The following CCAR1 variants were observed in gnomAD, a reference collection of about 807,000 sequenced individuals.
The protein encoded by CCAR1 is cell division cycle and apoptosis regulator protein 1.
CCAR1 carries 78 observed loss-of-function variants against 163.8 expected under a neutral mutation model. The observed-to-expected ratio is 0.48, with a 90% CI of 0.40 to 0.57. The LOEUF (loss-of-function observed/expected upper bound fraction) is 0.57, where lower values mean the gene tolerates loss of function less well. Ranked by LOEUF, CCAR1 falls within the 20% of genes least tolerant of loss-of-function variation. The probability of loss-of-function intolerance (pLI) is 0.00; values close to 1 mark genes in which losing one functional copy is unlikely to be tolerated. For synonymous variants in CCAR1, 443 were observed against 460.7 expected, an observed-to-expected ratio of 0.96 and a Z score of 0.49; for missense variants, 1,019 against 1,365.2, an observed-to-expected ratio of 0.75 and a Z score of 4.00.
chr10:68,780,603 T>C (rs1212308823), intron 19 of CCAR1, among the ~76,000 whole-genome samples: 1 of 152,242 alleles, frequency 6.6e-6, no homozygotes, highest in Non-Finnish European at 1.5e-5. Context: ...TGCACTGCAC[T>C]TTATTGTGCG....
At chr10:68,765,285 ACT>A (rs1008015441) in intron 16 of CCAR1, among the ~76,000 whole-genome samples, 20 of 151,446 alleles carry the variant, frequency 1.3e-4, no homozygotes, top group African/African-American at 4.4e-4. Context: ...TTCTCCACTC[ACT>A]CTCTTGTAAG....
At chr10:68,775,695 T>C (rs1416744916) in intron 19 of CCAR1, among the ~76,000 whole-genome samples, 5 of 121,006 alleles carry the variant, frequency 4.1e-5, no homozygotes, top group African/African-American at 9.9e-5. Context: ...TTCTTTTTTT[T>C]TTTTTTTTTT....
At chr10:68,763,909 G>T (rs1307212829) in intron 16 of CCAR1, among the ~76,000 whole-genome samples, 1 of 152,122 alleles carries the variant, frequency 6.6e-6, no homozygotes, top group Non-Finnish European at 1.5e-5. Flanking sequence ...CCTTGTCCTA[G>T]TTCAGGAATC....
intron 5 of CCAR1, 94 bp from the exon 6 acceptor site, chr10:68,742,281 AT>A (rs2056193001): frequency 2.2e-6 from 2 of 895,452 alleles, no homozygotes; most frequent in East Asian, 5.2e-5. Flanking sequence ...ATAATATGAA[AT>A]TTTTAACATT....
chr10:68,734,780 C>T (rs1297369531), intron 2 of CCAR1, among the ~76,000 whole-genome samples: 1 of 151,962 alleles, frequency 6.6e-6, no homozygotes, highest in Non-Finnish European at 1.5e-5. Flanking sequence ...GGTCATTTTT[C>T]TAGGAGATGC....
intron 17 of CCAR1, among the ~76,000 whole-genome samples, chr10:68,770,822 A>G (rs1180192669): frequency 6.6e-6 from 1 of 152,254 alleles, no homozygotes; most frequent in Admixed American, 6.5e-5. Flanking sequence ...TTACGCCTGT[A>G]ATCCCAGCAC....
At position 68,788,239 on chromosome 10, in the gene CCAR1, A is replaced by C. The variant is rs2056817095; in HGVS notation, c.3098A>C (p.Asp1033Ala). 2 of 1,603,234 alleles carry C rather than the reference A, an allele frequency of 1.2e-6. No homozygotes were observed. The highest frequency in any genetic ancestry group is 1.7e-6 in the Non-Finnish European group (2 of 1,176,422). Reference sequence around the variant, plus strand: ...ATTGTGTACAATGGTGCAATGGTAGATGTAGGAAGCCTCTTGCAAAAATTG... The same window carrying C: ...ATTGTGTACAATGGTGCAATGGTAGCTGTAGGAAGCCTCTTGCAAAAATTG... ...GLIVYNGAMV[D>A]VGSLLQKLEK... The change falls in exon 23 of 25, where the codon GAT becomes GCT. Residue 1033 changes from aspartate to alanine, a missense_variant. Asp to Ala is a moderately radical substitution (Grantham distance 126, BLOSUM62 -2). Around this residue, in one of 4 missense-constraint regions of CCAR1, gnomAD observed 358 missense variants for 406.4 expected, o/e 0.88. Coordinates refer to ENST00000265872, the MANE Select transcript of CCAR1 (RefSeq NM_018237.4).
rs200677722 is a variant in CCAR1, at chr10:68,722,612, G to T, written c.73+35G>T. The stretch of plus-strand genomic sequence containing the variant: ...CTAAATACATGTACTGTAATTGTTT[G>T]TGGGGGACTTGTTAAAACTACGTGA... On this transcript the variant is annotated intron_variant, in intron 2 of 24. Transcript: ENST00000265872. 792 of 1,515,892 alleles carry T rather than the reference G, an allele frequency of 5.2e-4. 4 individuals carry two copies. The African/African-American group carries it at 9.5e-3, about 18-fold the overall frequency. 93.9% of individuals were successfully genotyped at this position (1,515,892 alleles called of 1,614,324 possible).
At chr10:68,744,138 G>T (rs917756729) in intron 6 of CCAR1, among the ~76,000 whole-genome samples, 6 of 152,236 alleles carry the variant, frequency 3.9e-5, no homozygotes, top group African/African-American at 1.4e-4. Context: ...GCACACCTCA[G>T]CCCTGCAAAG....
chr10:68,773,556 C>T (rs2056627999), intron 19 of CCAR1, among the ~76,000 whole-genome samples: 1 of 151,954 alleles, frequency 6.6e-6, no homozygotes, highest in Non-Finnish European at 1.5e-5. Context: ...CCCAGGTATA[C>T]TCTGGAGGCT....
chr10:68,762,581 A>C (rs1370562838), intron 16 of CCAR1, among the ~76,000 whole-genome samples: 1 of 152,198 alleles, frequency 6.6e-6, no homozygotes, highest in Non-Finnish European at 1.5e-5. Flanking sequence ...GGATATCAGA[A>C]GTGTGTTTTA....
chr10:68,723,199 G>A (rs1233696769), intron 2 of CCAR1, among the ~76,000 whole-genome samples: 2 of 150,736 alleles, frequency 1.3e-5, no homozygotes, highest in African/African-American at 4.9e-5. Context: ...TCAGCTCACT[G>A]CAAGCTCCGC....
At position 68,747,170 on chromosome 10, in the gene CCAR1, A is replaced by G. The variant is rs1196481687; in HGVS notation, c.528A>G (p.Lys176=). The change falls in exon 7 of 25, where the codon AAA becomes AAG. Residue 176 remains lysine (K), a synonymous_variant. Transcript: ENST00000265872. ...CTTTTTTTTTTTACAGTGCTGTCAA[A>G]GGGAAAACCCCCCAAGTAGGTGACA... The part of the protein sequence containing the change: ...EDVFFQLSAV[K]GKTPQVGDRV... 3.2e-6 allele frequency: 5 copies of G among 1,574,652 alleles called. No homozygotes were observed.
intron 17 of CCAR1, among the ~76,000 whole-genome samples, chr10:68,770,870 G>T (rs1229664467): frequency 6.6e-6 from 1 of 152,222 alleles, no homozygotes; most frequent in Non-Finnish European, 1.5e-5. Context: ...AAGGTCAGGA[G>T]ATCGAGACCA....
intron 6 of CCAR1, among the ~76,000 whole-genome samples, chr10:68,743,736 A>G (rs60979065): frequency 1.9e-3 from 5 of 2,582 alleles, no homozygotes; most frequent in Non-Finnish European, 4.2e-3. Context: ...TTGTTTGTTT[A>G]TTTATTTATT....
chr10:68,782,900 G>C (rs748103154), intron 19 of CCAR1, among the ~76,000 whole-genome samples: 1 of 151,916 alleles, frequency 6.6e-6, no homozygotes, highest in South Asian at 2.1e-4. Context: ...ACCACACCTA[G>C]TCACCCAGAG....
chr10:68,790,327 C>A (rs2056839038), intron 24 of CCAR1, among the ~76,000 whole-genome samples: 2 of 150,640 alleles, frequency 1.3e-5, no homozygotes, highest in Non-Finnish European at 2.9e-5. Context: ...TGCACTCTAG[C>A]CTGGGCAACA....
At chr10:68,726,114 A>T (rs1037682491) in intron 2 of CCAR1, among the ~76,000 whole-genome samples, 3 of 128,074 alleles carry the variant, frequency 2.3e-5, no homozygotes, top group Admixed American at 8.2e-5. Flanking sequence ...ACCCTGTCCT[A>T]AAAAAAAAAA....
chr10:68,730,283 G>A (rs2056018232), intron 2 of CCAR1, among the ~76,000 whole-genome samples: 1 of 150,706 alleles, frequency 6.6e-6, no homozygotes, highest in Admixed American at 6.6e-5. Flanking sequence ...ATTATAACAT[G>A]ACTGTTTTAG....
Sources: allele counts gnomAD v4.1 joint callset (sites outside exome capture counted in the v4.1 genomes callset), GRCh38; gene constraint gnomAD v4.1.1; regional missense constraint gnomAD v4.1.1; transcripts MANE v1.5; gene names NCBI Gene and HGNC (gene_info 2026-07-23, HGNC 2026-07-21).